GGA3: variants seen among roughly 807,000 people sequenced by gnomAD.
GGA3 encodes golgi associated, gamma adaptin ear containing, ARF binding protein 3.
Under a neutral mutation model 77.5 loss-of-function variants are expected in GGA3, and 57 were observed. The observed-to-expected ratio is 0.74, with a 90% CI of 0.59 to 0.92. GGA3 has a LOEUF of 0.92. Ranked by LOEUF, GGA3 falls within the 40% of genes least tolerant of loss-of-function variation. The pLI, the probability that GGA3 is intolerant of heterozygous loss-of-function variation, is 0.00. For synonymous variants in GGA3, 416 were observed against 383.7 expected (o/e 1.08, Z -0.98); for missense variants, 970 against 914.9 (o/e 1.06, Z -0.78).
chr17:75,258,896 T>G (rs533495635), intron 1 of GGA3, among the ~76,000 whole-genome samples: 34 of 151,632 alleles, frequency 2.2e-4, no homozygotes, highest in Non-Finnish European at 4.7e-4. Flanking sequence ...GAATCATCTC[T>G]TCCCCCATCC....
At chr17:75,252,324 A>C (rs184049867) in intron 1 of GGA3, among the ~76,000 whole-genome samples, 63 of 152,160 alleles carry the variant, frequency 4.1e-4, no homozygotes, top group Non-Finnish European at 7.1e-4. Flanking sequence ...TCCTGGGCTC[A>C]GGCGATGCTC....
intron 1 of GGA3, among the ~76,000 whole-genome samples, chr17:75,254,667 G>A (rs1257753915): frequency 6.6e-5 from 10 of 152,146 alleles, no homozygotes; most frequent in South Asian, 2.1e-4. Flanking sequence ...AATTAACCTC[G>A]CCTTCAAGGT....
chr17:75,241,149 C>A, intron 10 of GGA3, 92 bp from the exon 11 acceptor site: 1 of 1,424,842 alleles, frequency 7.0e-7, no homozygotes, highest in Non-Finnish European at 9.9e-7. Flanking sequence ...GAGGTCACTG[C>A]TACAGCCTCT....
In GGA3 at chr17:75,242,340, A is replaced by C. The variant is rs768625585; in HGVS notation, c.743T>G (p.Met248Arg). 6.2e-7 allele frequency: 1 copy of C among 1,614,070 alleles called. No homozygotes were observed. Among genetic ancestry groups the C allele is most frequent in the African/African-American group, 1.3e-5 (1 of 74,930 alleles). ...CTTTGCCGTCGGCGGTCCCACCTTC[A>C]TCAGCTCTCTGTCCCCGTCCGAAGA... is the stretch of plus-strand genomic sequence containing the variant. ...EDSSDGDREL[M>R]KELFDQCENK... The change falls in exon 8 of 17, where the codon ATG (methionine) becomes AGG (arginine). Residue 248 changes from methionine to arginine, a missense_variant. Met to Arg is a moderately conservative substitution (Grantham distance 91). Coordinates refer to ENST00000537686, the MANE Select transcript of GGA3 (RefSeq NM_138619.4).
chr17:75,237,252 C>T lies in GGA3; in HGVS notation c.*1027G>A, dbSNP rs2076350467. ...AGACCCAACATCTCGCTGACAGTGCCCCTCAGTAGCTGGGGAACAGTTGAG... is the reference window on the plus strand; with the variant it reads ...AGACCCAACATCTCGCTGACAGTGCTCCTCAGTAGCTGGGGAACAGTTGAG... On this transcript the variant is annotated 3_prime_UTR_variant, in exon 17 of 17. Transcript: ENST00000537686. 3.3e-6 allele frequency: 2 copies of T among 601,688 alleles called. No homozygotes were observed. Among genetic ancestry groups the T allele is most frequent in the Non-Finnish European group, 5.9e-6 (2 of 337,012 alleles). 37.3% of individuals were successfully genotyped at this position (601,688 alleles called of 1,614,324 possible). A position where few individuals can be genotyped will look rare whatever the true frequency, so the allele number is the denominator to read the frequency against.
intron 10 of GGA3, 132 bp from the exon 11 acceptor site, chr17:75,241,189 G>C: frequency 8.7e-7 from 1 of 1,146,030 alleles, no homozygotes; most frequent in Non-Finnish European, 1.3e-6. Flanking sequence ...TCTGCCAGGG[G>C]ATGCTGCAAA....
Position 75,239,080 on chromosome 17 carries a change from C to A in GGA3, c.1784G>T (p.Ser595Ile). ...HVPLESIKPS[S>I]ALPVTAYDKN... ...ATCGTAGGCTGTCACAGGAAGGGCA[C>A]TGCCTGTAAGAACGTGACGTGAGTG... Residue 595 changes from serine to isoleucine, a missense_variant, in exon 15 of 17, where the codon AGT (serine) becomes ATT (isoleucine). Ser to Ile is a moderately radical substitution (Grantham distance 142). Transcript: ENST00000537686. 6.2e-7 allele frequency: 1 copy of A among 1,612,524 alleles called. No individual in the cohort carries two copies. Among genetic ancestry groups the A allele is most frequent in the Non-Finnish European group, 8.5e-7 (1 of 1,179,662 alleles).
At chr17:75,259,605 C>T (rs377462779) in intron 1 of GGA3, among the ~76,000 whole-genome samples, 1 of 152,042 alleles carries the variant, frequency 6.6e-6, no homozygotes, top group Non-Finnish European at 1.5e-5. Flanking sequence ...AACACAAGTG[C>T]GCTTCTGGGA....
intron 10 of GGA3, 133 bp from the exon 11 acceptor site, chr17:75,241,190 ATGC>A (rs1389658223): frequency 5.3e-6 from 6 of 1,139,316 alleles, no homozygotes; most frequent in Non-Finnish European, 7.8e-6. Flanking sequence ...CTGCCAGGGG[ATGC>A]TGCAAAGCAA....
At chr17:75,255,288 T>A (rs371399002) in intron 1 of GGA3, among the ~76,000 whole-genome samples, 2,748 of 151,896 alleles carry the variant, frequency 0.018, 49 homozygotes, top group South Asian at 0.038. Context: ...AATACTCTTT[T>A]AAGCACTCGT....
rs2145465487 is a variant in GGA3 at position 75,237,918 on chromosome 17, C to G, written c.*361G>C. The stretch of plus-strand genomic sequence containing the variant: ...CCATGACAGTCTCTCTTTAGAGACT[C>G]CCACCCCCCACCCCCCACCCCAGTG... On this transcript the variant is annotated 3_prime_UTR_variant, in exon 17 of 17. Transcript: ENST00000537686. 2 of 491,876 alleles carry G rather than the reference C, an allele frequency of 4.1e-6. No individual in the cohort carries two copies. Among genetic ancestry groups the G allele is most frequent in the East Asian group, 5.6e-5 (1 of 17,836 alleles). 30.5% of individuals were successfully genotyped at this position (491,876 alleles called of 1,614,324 possible).
At chr17:75,259,605 C>G (rs377462779) in intron 1 of GGA3, among the ~76,000 whole-genome samples, 2 of 152,042 alleles carry the variant, frequency 1.3e-5, no homozygotes, top group African/African-American at 2.4e-5. Flanking sequence ...AACACAAGTG[C>G]GCTTCTGGGA....
intron 1 of GGA3, among the ~76,000 whole-genome samples, chr17:75,250,291 T>C (rs2145560542): frequency 6.6e-6 from 1 of 152,356 alleles, no homozygotes; most frequent in South Asian, 2.1e-4. Flanking sequence ...TCTGTCTATT[T>C]TCGAGTCTCT....
intron 12 of GGA3, 46 bp from the exon 13 acceptor site, chr17:75,240,154 G>GGGGCGGC: frequency 2.1e-6 from 1 of 465,510 alleles, no homozygotes; most frequent in Non-Finnish European, 4.2e-6. Flanking sequence ...GGTGGGGAGG[G>GGGGCGGC]CCTGCCGCTG....
chr17:75,260,144 CTG>C (rs1412099387), intron 1 of GGA3, among the ~76,000 whole-genome samples: 1 of 152,286 alleles, frequency 6.6e-6, no homozygotes, highest in Middle Eastern at 3.4e-3. Flanking sequence ...GCGCGAGACT[CTG>C]TCTCAAAAAC....
At chr17:75,250,950 G>A (rs888888264) in intron 1 of GGA3, among the ~76,000 whole-genome samples, 3 of 150,164 alleles carry the variant, frequency 2.0e-5, no homozygotes, top group Admixed American at 6.7e-5. Context: ...GCATGGTTCC[G>A]CGCACCTGTG....
At chr17:75,240,693 A>G (rs2076517959) in intron 11 of GGA3, 119 bp downstream of exon 11, 1 of 1,154,736 alleles carries the variant, frequency 8.7e-7, no homozygotes, top group Non-Finnish European at 1.2e-6. Flanking sequence ...CCTCCAACTC[A>G]GGGTTCTTTG....
intron 8 of GGA3, 129 bp downstream of exon 8, chr17:75,242,207 T>C: frequency 1.0e-6 from 1 of 955,466 alleles, no homozygotes; most frequent in South Asian, 1.4e-5. Flanking sequence ...TGCAGATGAG[T>C]AAGGTCATGA....
At chr17:75,250,174 C>T (rs1308222027) in intron 1 of GGA3, among the ~76,000 whole-genome samples, 2 of 152,218 alleles carry the variant, frequency 1.3e-5, no homozygotes, top group African/African-American at 2.4e-5. Context: ...CACAGCCTCC[C>T]ACCCACTCAA....
Sources: allele counts gnomAD v4.1 joint callset (sites outside exome capture counted in the v4.1 genomes callset), GRCh38; gene constraint gnomAD v4.1.1; transcripts MANE v1.5; gene names NCBI Gene and HGNC (gene_info 2026-07-23, HGNC 2026-07-21).